PCDH15: variants seen among roughly 807,000 people sequenced by gnomAD.
The protein encoded by PCDH15 is protocadherin-15.
PCDH15 carries 129 observed loss-of-function variants against 178.5 expected under a neutral mutation model. That is an observed-to-expected ratio of 0.72 (90% CI 0.63 to 0.84). The LOEUF (loss-of-function observed/expected upper bound fraction) is 0.84. PCDH15 is among the 40% of genes least tolerant of loss of function. The pLI is 0.00. For missense variants in PCDH15, 2,230 were observed against 2,099.9 expected, an observed-to-expected ratio of 1.06 and a Z score of -1.21; for synonymous variants, 800 against 732.0, an observed-to-expected ratio of 1.09 and a Z score of -1.50.
chr10:55,269,160 C>A (rs543923206), intron 1 of PCDH15, among the ~76,000 whole-genome samples: 1 of 152,062 alleles, frequency 6.6e-6, no homozygotes, highest in African/African-American at 2.4e-5. Context: ...CTATGACAAA[C>A]CTGCAGCCAA....
At chr10:54,974,636 T>A (rs1179020544) in intron 2 of PCDH15, among the ~76,000 whole-genome samples, 2 of 152,066 alleles carry the variant, frequency 1.3e-5, no homozygotes, top group East Asian at 3.9e-4. Context: ...CTTAATGAAA[T>A]GATTCTTTTG....
chr10:55,448,402 G>C (rs568688580), intron 2 of PCDH15, among the ~76,000 whole-genome samples: 3 of 151,854 alleles, frequency 2.0e-5, no homozygotes, highest in Non-Finnish European at 2.9e-5. Flanking sequence ...AAAAATATTT[G>C]TTCTTCCATA....
At chr10:54,690,749 G>A (rs1034118732) in intron 1 of PCDH15, among the ~76,000 whole-genome samples, 9 of 152,128 alleles carry the variant, frequency 5.9e-5, no homozygotes, top group African/African-American at 2.2e-4. Context: ...ACTAACGTTT[G>A]TCAGTACTGT....
intron 1 of PCDH15, among the ~76,000 whole-genome samples, chr10:54,733,113 C>T (rs1196940862): frequency 2.0e-5 from 3 of 151,450 alleles, no homozygotes; most frequent in African/African-American, 7.3e-5. Flanking sequence ...TACTATAGAA[C>T]ATTGTTTTGG....
intron 3 of PCDH15, among the ~76,000 whole-genome samples, chr10:54,412,399 G>A (rs571861490): frequency 1.6e-4 from 24 of 151,940 alleles, no homozygotes; most frequent in Non-Finnish European, 2.2e-4. Context: ...GATCTTACAG[G>A]TATTGTAGTT....
At chr10:53,959,635 G>T in intron 23 of PCDH15, 97 bp downstream of exon 23, 1 of 900,876 alleles carries the variant, frequency 1.1e-6, no homozygotes, top group Non-Finnish European at 1.8e-6. Context: ...AAAATTGGAA[G>T]TCTACTCATA....
intron 1 of PCDH15, among the ~76,000 whole-genome samples, chr10:55,318,921 A>G (rs1368127982): frequency 4.6e-5 from 7 of 152,160 alleles, no homozygotes; most frequent in Non-Finnish European, 1.0e-4. Context: ...TACTTTGCAC[A>G]TAACATAGGT....
chr10:55,486,169 C>T (rs370209293), intron 2 of PCDH15, among the ~76,000 whole-genome samples: 56 of 151,666 alleles, frequency 3.7e-4, no homozygotes, highest in African/African-American at 1.1e-3. Context: ...AATACAATGA[C>T]GACCATTTCT....
chr10:54,246,592 C>T (rs76343629), intron 8 of PCDH15, among the ~76,000 whole-genome samples: 1,624 of 151,318 alleles, frequency 0.011, 38 homozygotes, highest in African/African-American at 0.037. Flanking sequence ...TTTCAACTGG[C>T]GATGAACTTT....
At chr10:54,141,840 T>C (rs1413772985) in intron 14 of PCDH15, among the ~76,000 whole-genome samples, 2 of 152,338 alleles carry the variant, frequency 1.3e-5, no homozygotes, top group African/African-American at 2.4e-5. Context: ...GTAAGTACTG[T>C]ATCTAGAAGT....
chr10:54,508,649 G>C (rs752883516), intron 3 of PCDH15, among the ~76,000 whole-genome samples: 9 of 152,062 alleles, frequency 5.9e-5, no homozygotes, highest in Non-Finnish European at 1.2e-4. Context: ...TGGTTATAGG[G>C]GTGTTCATCA....
At position 53,878,215 on chromosome 10, in the gene PCDH15, AATATAT is replaced by A. The variant is rs140273411; in HGVS notation, c.3502-11364_3502-11359del. Among the ~76,000 whole-genome samples, 656 of 127,446 alleles carry A rather than the reference AATATAT, an allele frequency of 5.1e-3. 11 individuals carry two copies. Among genetic ancestry groups the A allele is most frequent in the African/African-American group, 0.018 (569 of 31,496 alleles). The allele number at this position is 127,446 out of a possible 152,430, so 83.6% of individuals were successfully genotyped here. A position where few individuals can be genotyped will look rare whatever the true frequency, so the allele number is the denominator to read the frequency against. On this transcript the variant is annotated intron_variant, in intron 26 of 37. Transcript: ENST00000644397. The stretch of plus-strand genomic sequence containing the variant: ...CACACACACACACACACACACTTTG[AATATAT>A]ATATATATATATATATATATATTCT...
At chr10:55,331,113 T>C (rs1844188277) in intron 2 of PCDH15, among the ~76,000 whole-genome samples, 1 of 151,912 alleles carries the variant, frequency 6.6e-6, no homozygotes, top group African/African-American at 2.4e-5. Flanking sequence ...ACAAGGCTTT[T>C]CTCCTTCATC....
intron 2 of PCDH15, among the ~76,000 whole-genome samples, chr10:55,597,843 C>A (rs1006337846): frequency 6.6e-6 from 1 of 152,036 alleles, no homozygotes; most frequent in African/African-American, 2.4e-5. Context: ...TTATTTAAAG[C>A]AAGGCACTGA....
intron 2 of PCDH15, among the ~76,000 whole-genome samples, chr10:55,391,245 CTT>C (rs772142681): frequency 5.1e-4 from 73 of 143,540 alleles, no homozygotes; most frequent in Admixed American, 6.3e-4. Context: ...ACAGAGACAG[CTT>C]TTTTTTTTTT....
intron 3 of PCDH15, among the ~76,000 whole-genome samples, chr10:54,851,913 A>G (rs908641811): frequency 6.6e-6 from 1 of 152,170 alleles, no homozygotes; most frequent in Non-Finnish European, 1.5e-5. Flanking sequence ...ATAAAAATAA[A>G]GTTTTAAAAT....
intron 8 of PCDH15, among the ~76,000 whole-genome samples, chr10:54,253,320 A>T (rs897438266): frequency 2.6e-5 from 4 of 152,054 alleles, no homozygotes; most frequent in Admixed American, 2.6e-4. Flanking sequence ...TATATTCTAT[A>T]TGGAATGAAC....
intron 1 of PCDH15, among the ~76,000 whole-genome samples, chr10:55,199,658 C>A (rs1840187872): frequency 6.6e-6 from 1 of 152,146 alleles, no homozygotes; most frequent in Non-Finnish European, 1.5e-5. Context: ...TTGTGGCAGC[C>A]CCTCCCATCA....
intron 2 of PCDH15, among the ~76,000 whole-genome samples, chr10:54,649,214 TG>T (rs1303546050): frequency 6.6e-6 from 1 of 152,174 alleles, no homozygotes; most frequent in African/African-American, 2.4e-5. Flanking sequence ...AGGAAATACC[TG>T]AAGAAAGCAT....
Sources: allele counts gnomAD v4.1 joint callset (sites outside exome capture counted in the v4.1 genomes callset), GRCh38; gene constraint gnomAD v4.1.1; transcripts MANE v1.5; gene names NCBI Gene and HGNC (gene_info 2026-07-23, HGNC 2026-07-21).